The following UGT3A2 variants were observed in gnomAD, a reference collection of about 807,000 sequenced individuals.
UGT3A2 encodes the protein UDP glycosyltransferase family 3 member A2.
In UGT3A2, 32 loss-of-function variants were observed where a neutral mutation model predicts 39.8. That is an observed-to-expected ratio of 0.80 (90% CI 0.61 to 1.08). UGT3A2 has a LOEUF of 1.08. Among genes scored for constraint, UGT3A2 ranks in the 50% least tolerant of loss-of-function variants. The probability of loss-of-function intolerance (pLI) is 0.00; values close to 1 mark genes in which losing one functional copy is unlikely to be tolerated. For missense variants in UGT3A2, 611 were observed against 637.1 expected (o/e 0.96, Z 0.44); for synonymous variants, 241 against 230.7 (o/e 1.04, Z -0.40).
At chr5:36,057,044 T>C (rs1043412339) in intron 2 of UGT3A2, among the ~76,000 whole-genome samples, 4 of 152,258 alleles carry the variant, frequency 2.6e-5, no homozygotes, top group Non-Finnish European at 5.9e-5. Context: ...TGCTCGTGAA[T>C]ATCTCTTGAA....
intron 2 of UGT3A2, among the ~76,000 whole-genome samples, chr5:36,057,278 T>C (rs192638177): frequency 1.7e-3 from 253 of 152,326 alleles, no homozygotes; most frequent in African/African-American, 6.0e-3. Context: ...TCAGAAATAA[T>C]AACCCAATCA....
intron 3 of UGT3A2, among the ~76,000 whole-genome samples, chr5:36,050,702 T>C (rs1375373969): frequency 6.6e-6 from 1 of 151,926 alleles, no homozygotes; most frequent in African/African-American, 2.4e-5. Flanking sequence ...TCACTACTAA[T>C]AATACAAAAA....
chr5:36,055,204 TA>T (rs1742469017), intron 2 of UGT3A2, among the ~76,000 whole-genome samples: 1 of 149,094 alleles, frequency 6.7e-6, no homozygotes, highest in Non-Finnish European at 1.5e-5. Flanking sequence ...TTCATTCCAC[TA>T]AACAAGAGGC....
At chr5:36,037,672 T>C (rs1374960693) in intron 6 of UGT3A2, 125 bp downstream of exon 6, 3 of 985,748 alleles carry the variant, frequency 3.0e-6, no homozygotes, top group African/African-American at 3.3e-5. Flanking sequence ...TTATCCCATG[T>C]CCTGGAAAAT....
intron 2 of UGT3A2, among the ~76,000 whole-genome samples, chr5:36,063,674 T>C (rs912363850): frequency 6.6e-6 from 1 of 152,222 alleles, no homozygotes; most frequent in Non-Finnish European, 1.5e-5. Context: ...TCTCACTCTG[T>C]TGCCCAGGCT....
chr5:36,039,903 C>A (rs1256578774), intron 4 of UGT3A2, among the ~76,000 whole-genome samples, 195 bp from the exon 5 acceptor site: 1 of 152,192 alleles, frequency 6.6e-6, no homozygotes, highest in Non-Finnish European at 1.5e-5. Flanking sequence ...GAACATCTTT[C>A]TTCTTGAAAC....
chr5:36,035,674 AC>A lies in UGT3A2; in HGVS notation c.*23del, dbSNP rs756566159. On this transcript the variant is annotated 3_prime_UTR_variant, in exon 7 of 7. Transcript: ENST00000282507. ...AATGGTGACATCGCCCACCAAACAG[AC>A]CCCGCCAAGGCTGCACCTGGCCTTA... The A allele has an allele frequency of 2.5e-6, 4 of 1,606,770 alleles. No individual in the cohort carries two copies. The South Asian group carries it at 4.4e-5, about 18-fold the overall frequency.
intron 6 of UGT3A2, among the ~76,000 whole-genome samples, chr5:36,036,260 T>C (rs968829174): frequency 1.3e-5 from 2 of 152,200 alleles, no homozygotes; most frequent in Admixed American, 1.3e-4. Context: ...TATGATGTAA[T>C]TATTATACAT....
chr5:36,055,242 T>G (rs1255418949), intron 2 of UGT3A2, among the ~76,000 whole-genome samples: 1 of 151,982 alleles, frequency 6.6e-6, no homozygotes, highest in Non-Finnish European at 1.5e-5. Context: ...TTTTTTTTTC[T>G]TTTTTTAGAC....
chr5:36,035,676 C>T lies in UGT3A2; in HGVS notation c.*22G>A. On this transcript the variant is annotated 3_prime_UTR_variant, in exon 7 of 7. Coordinates refer to ENST00000282507, the MANE Select transcript of UGT3A2 (RefSeq NM_174914.4). ...TGGTGACATCGCCCACCAAACAGAC[C>T]CCGCCAAGGCTGCACCTGGCCTTAT... is the stretch of plus-strand genomic sequence containing the variant. The T allele has an allele frequency of 6.2e-7, 1 of 1,607,248 alleles. No homozygotes were observed. The highest frequency in any genetic ancestry group is 8.5e-7 in the Non-Finnish European group (1 of 1,175,004).
intron 2 of UGT3A2, among the ~76,000 whole-genome samples, chr5:36,053,478 C>A (rs1018780511): frequency 6.6e-6 from 1 of 152,234 alleles, no homozygotes; most frequent in East Asian, 1.9e-4. Flanking sequence ...TGCATAGGAA[C>A]CCCTGTAACA....
intron 2 of UGT3A2, among the ~76,000 whole-genome samples, chr5:36,055,158 G>T (rs1409246618): frequency 6.6e-6 from 1 of 151,888 alleles, no homozygotes; most frequent in Non-Finnish European, 1.5e-5. Flanking sequence ...AAATTTGGGG[G>T]GGTACCTTGT....
At chr5:36,038,094 A>G (rs1741889557) in intron 5 of UGT3A2, 78 bp from the exon 6 acceptor site, 2 of 1,453,640 alleles carry the variant, frequency 1.4e-6, no homozygotes, top group South Asian at 2.8e-5. Context: ...AGGGGATAAG[A>G]AAGTGCCAAG....
Position 36,038,028 on chromosome 5 carries a change from A to G in UGT3A2, c.1076-12T>C. 1 of 1,578,576 alleles carries G rather than the reference A, an allele frequency of 6.3e-7. No individual in the cohort carries two copies. The highest frequency in any genetic ancestry group is 8.6e-7 in the Non-Finnish European group (1 of 1,166,688). On this transcript the variant is annotated splice_polypyrimidine_tract_variant and intron_variant, in intron 5 of 6. Transcript: ENST00000282507. The stretch of plus-strand genomic sequence containing the variant: ...GATGCTTGGGTGAGCTGTTGTAAAT[A>G]AGAAAGAGGGTGGGACACTTCAGGA...
In UGT3A2 at chr5:36,039,537, C is replaced by A; in HGVS notation, c.1015G>T (p.Asp339Tyr). Residue 339 changes from aspartate to tyrosine, a missense_variant, in exon 5 of 7, where the codon GAT becomes TAT. By Grantham distance (160) the Asp-to-Tyr change is radical. Coordinates refer to ENST00000282507, the MANE Select transcript of UGT3A2 (RefSeq NM_174914.4). ...TTCACATTTGCAGCCAGGTGGACAT[C>A]TTTGGGCCAATGAGAACACTGACAC... ...WKCQCSHWPK[D>Y]VHLAANVKIV... 2.5e-6 allele frequency: 4 copies of A among 1,614,204 alleles called. No homozygotes were observed. Among genetic ancestry groups the A allele is most frequent in the Non-Finnish European group, 2.5e-6 (3 of 1,180,042 alleles).
chr5:36,046,197 T>A (rs549661180), intron 4 of UGT3A2, among the ~76,000 whole-genome samples: 1 of 152,286 alleles, frequency 6.6e-6, no homozygotes, highest in African/African-American at 2.4e-5. Context: ...GGAAAGCAGT[T>A]TAGAGGTTCA....
Position 36,064,297 on chromosome 5 carries a change from C to T in UGT3A2, c.148G>A (p.Gly50Ser), listed in dbSNP as rs1340045622. 3 of 1,614,100 alleles carry T rather than the reference C, an allele frequency of 1.9e-6. No individual in the cohort carries two copies. The highest frequency in any genetic ancestry group is 1.7e-6 in the Non-Finnish European group (2 of 1,180,008). Residue 50 changes from glycine (G) to serine (S), a missense_variant, in exon 2 of 7, where the codon GGT (glycine) becomes AGT (serine). Gly to Ser is a moderately conservative substitution (Grantham distance 56). Transcript: ENST00000282507. ...TGGTTAAGCATGGTGACATTATGAC[C>T]GTGATCTTGAAGAATCTGAGAAACC... ...DRVSQILQDHGHNVTMLNHKR... is the reference protein window; with the variant it reads ...DRVSQILQDHSHNVTMLNHKR...
intron 4 of UGT3A2, 62 bp downstream of exon 4, chr5:36,048,827 C>T: frequency 1.3e-6 from 2 of 1,561,558 alleles, no homozygotes; most frequent in African/African-American, 2.7e-5. Flanking sequence ...AAGTGGCAGC[C>T]ACCAACTATG....
rs1265230316 is a variant in UGT3A2 at position 36,066,784 on chromosome 5, A to T, written c.6T>A (p.Ala2=). 6.2e-7 allele frequency: 1 copy of T among 1,614,218 alleles called. No individual in the cohort carries two copies. The highest frequency in any genetic ancestry group is 8.5e-7 in the Non-Finnish European group (1 of 1,180,024). The change falls in exon 1 of 7, where the codon GCT becomes GCA. Residue 2 remains alanine (A), a synonymous_variant. Transcript: ENST00000282507. The stretch of plus-strand genomic sequence containing the variant: ...CCACTAGAAGAAGCACTCGCTGCCC[A>T]GCCATGCTCACTTCTACGGAAGCCG... M[A]GQRVLLLVGF...
Sources: gnomAD v4.1 joint callset for allele counts (sites outside exome capture counted in the v4.1 genomes callset) on GRCh38, gnomAD v4.1.1 for gene constraint, MANE v1.5 for transcripts, NCBI Gene and HGNC (gene_info 2026-07-23, HGNC 2026-07-21) for gene names.